Variants in MARCHF1 observed in about 807,000 individuals in gnomAD.
The protein encoded by MARCHF1 is E3 ubiquitin-protein ligase MARCHF1.
A neutral mutation model predicts 54.2 loss-of-function variants in MARCHF1; 40 were observed. The observed-to-expected ratio is 0.74, with a 90% CI of 0.57 to 0.96. The LOEUF (loss-of-function observed/expected upper bound fraction) is 0.96, where lower values mean the gene tolerates loss of function less well. Ranked by LOEUF, MARCHF1 falls within the 40% of genes least tolerant of loss-of-function variation. The probability of loss-of-function intolerance (pLI) is 0.00; values close to 1 mark genes in which losing one functional copy is unlikely to be tolerated. For synonymous variants in MARCHF1, 236 were observed against 236.3 expected, an observed-to-expected ratio of 1.00 and a Z score of 0.01; for missense variants, 586 against 656.5, an observed-to-expected ratio of 0.89 and a Z score of 1.17.
intron 3 of MARCHF1, among the ~76,000 whole-genome samples, chr4:163,904,872 A>G (rs1449188177): frequency 6.6e-6 from 1 of 152,230 alleles, no homozygotes; most frequent in African/African-American, 2.4e-5. Flanking sequence ...TAATTCTGGA[A>G]TTATTCATTG....
At chr4:164,156,312 C>A (rs1406086706) in intron 1 of MARCHF1, among the ~76,000 whole-genome samples, 1 of 152,108 alleles carries the variant, frequency 6.6e-6, no homozygotes, top group Non-Finnish European at 1.5e-5. Context: ...TATATAGTCC[C>A]AAACTAGTAT....
At chr4:164,329,676 A>G (rs1735375347) in intron 1 of MARCHF1, among the ~76,000 whole-genome samples, 1 of 152,246 alleles carries the variant, frequency 6.6e-6, no homozygotes, top group African/African-American at 2.4e-5. Context: ...GCTTCCAATC[A>G]TGACAGAAGG....
chr4:164,000,567 T>C (rs1753167232), intron 2 of MARCHF1, among the ~76,000 whole-genome samples: 1 of 151,566 alleles, frequency 6.6e-6, no homozygotes, highest in African/African-American at 2.4e-5. Context: ...ATAAGCTGGA[T>C]TATTTGGGTT....
intron 1 of MARCHF1, among the ~76,000 whole-genome samples, chr4:164,292,251 T>A (rs1354149144): frequency 2.6e-5 from 4 of 152,166 alleles, no homozygotes; most frequent in African/African-American, 9.6e-5. Context: ...CAAAATAGAT[T>A]GTGTATTGCT....
intron 1 of MARCHF1, among the ~76,000 whole-genome samples, chr4:164,360,979 A>T (rs1205971798): frequency 1.3e-5 from 2 of 151,674 alleles, no homozygotes; most frequent in Admixed American, 6.6e-5. Context: ...TTAAAATTAC[A>T]TACACAACAC....
At chr4:164,265,335 C>CAATAAATTTATAAAATA (rs1733582551) in intron 1 of MARCHF1, among the ~76,000 whole-genome samples, 1 of 152,040 alleles carries the variant, frequency 6.6e-6, no homozygotes, top group South Asian at 2.1e-4. Flanking sequence ...AAAATAATTT[C>CAATAAATTTATAAAATA]AATAAATTTA....
At chr4:163,894,612 T>TATATATGC (rs1285176897) in intron 3 of MARCHF1, among the ~76,000 whole-genome samples, 16 of 143,280 alleles carry the variant, frequency 1.1e-4, no homozygotes, top group Non-Finnish European at 1.9e-4. Flanking sequence ...GATGCATATA[T>TATATATGC]ATATATGCAT....
At chr4:163,678,414 C>G (rs763035300) in intron 5 of MARCHF1, among the ~76,000 whole-genome samples, 8 of 152,104 alleles carry the variant, frequency 5.3e-5, no homozygotes, top group Non-Finnish European at 1.2e-4. Flanking sequence ...CAAGTGTAAC[C>G]AAGACTAAAT....
chr4:164,133,413 T>C (rs1395110286), intron 1 of MARCHF1, among the ~76,000 whole-genome samples: 1 of 152,182 alleles, frequency 6.6e-6, no homozygotes, highest in East Asian at 1.9e-4. Context: ...TGTGATTCCC[T>C]CTCTCTCTGA....
At chr4:164,056,942 C>T (rs1050953553) in intron 2 of MARCHF1, among the ~76,000 whole-genome samples, 66 of 152,038 alleles carry the variant, frequency 4.3e-4, no homozygotes, top group African/African-American at 1.6e-3. Flanking sequence ...ACTCTTCTTC[C>T]AGAAGAGGCT....
At chr4:163,985,436 C>T (rs1416767518) in intron 3 of MARCHF1, among the ~76,000 whole-genome samples, 2 of 152,004 alleles carry the variant, frequency 1.3e-5, no homozygotes, top group Admixed American at 6.6e-5. Flanking sequence ...TTATGGCATA[C>T]AAAATATGTC....
At chr4:163,851,051 T>C (rs549396698) in intron 4 of MARCHF1, among the ~76,000 whole-genome samples, 11 of 152,282 alleles carry the variant, frequency 7.2e-5, no homozygotes, top group Non-Finnish European at 1.5e-4. Context: ...CTCAGGGAAT[T>C]GTACTAAAAC....
chr4:163,814,366 C>G (rs541196888), intron 4 of MARCHF1, among the ~76,000 whole-genome samples: 89 of 152,254 alleles, frequency 5.8e-4, no homozygotes, highest in Non-Finnish European at 1.1e-3. Context: ...CCCCCATGAC[C>G]TGGTGTTGGG....
intron 3 of MARCHF1, among the ~76,000 whole-genome samples, chr4:163,941,969 C>T (rs1751921569): frequency 6.6e-6 from 1 of 152,122 alleles, no homozygotes; most frequent in Non-Finnish European, 1.5e-5. Flanking sequence ...ACTTTCTTCT[C>T]TGTGTTTACT....
chr4:163,637,152 A>G (rs184193776), intron 5 of MARCHF1, among the ~76,000 whole-genome samples: 11,093 of 151,884 alleles, frequency 0.073, 1,294 homozygotes, highest in African/African-American at 0.24. Flanking sequence ...CCTAGAAGAA[A>G]ACCTAGGCTT....
chr4:164,296,715 G>A (rs915427537), intron 1 of MARCHF1, among the ~76,000 whole-genome samples: 2 of 152,108 alleles, frequency 1.3e-5, no homozygotes, highest in Non-Finnish European at 2.9e-5. Context: ...CAGTTACTCT[G>A]TCATCCTCAG....
intron 4 of MARCHF1, among the ~76,000 whole-genome samples, chr4:163,830,106 A>C (rs1043630633): frequency 2.0e-5 from 3 of 152,100 alleles, no homozygotes; most frequent in African/African-American, 7.2e-5. Context: ...AAAGTTCTGA[A>C]ATAGGATTCA....
chr4:164,110,477 A>C (rs1361132006), intron 2 of MARCHF1, among the ~76,000 whole-genome samples: 1 of 151,814 alleles, frequency 6.6e-6, no homozygotes, highest in Non-Finnish European at 1.5e-5. Flanking sequence ...AATTTCTAAA[A>C]TCTATTCTAA....
At chr4:164,258,569 C>T (rs189589879) in intron 1 of MARCHF1, among the ~76,000 whole-genome samples, 1 of 151,930 alleles carries the variant, frequency 6.6e-6, no homozygotes, top group Admixed American at 6.6e-5. Flanking sequence ...AGTTCTTTTC[C>T]CAGTAAATGT....
Sources: gnomAD v4.1 joint callset for allele counts (sites outside exome capture counted in the v4.1 genomes callset) on GRCh38, gnomAD v4.1.1 for gene constraint, MANE v1.5 for transcripts, NCBI Gene and HGNC (gene_info 2026-07-23, HGNC 2026-07-21) for gene names.